Variants in ITPKB observed in about 807,000 individuals in gnomAD.
ITPKB encodes the protein inositol-trisphosphate 3-kinase B.
A neutral mutation model predicts 69.4 loss-of-function variants in ITPKB; 13 were observed. The ratio of observed to expected loss-of-function variants is 0.19; its 90% CI spans 0.12 to 0.30. The LOEUF (loss-of-function observed/expected upper bound fraction) is 0.30. Ranked by LOEUF, ITPKB falls within the 10% of genes least tolerant of loss-of-function variation. ITPKB has a pLI of 1.00. For synonymous variants in ITPKB, 584 were observed against 513.7 expected (o/e 1.14, Z -1.85); for missense variants, 1,240 against 1,250.5 (o/e 0.99, Z 0.13).
At chr1:226,702,458 G>C (rs1489271501) in intron 2 of ITPKB, among the ~76,000 whole-genome samples, 1 of 151,818 alleles carries the variant, frequency 6.6e-6, no homozygotes, top group African/African-American at 2.4e-5. Flanking sequence ...ATCATGGTGA[G>C]GTACAGAAAA....
chr1:226,667,305 A>G (rs1407060034), intron 2 of ITPKB, among the ~76,000 whole-genome samples: 1 of 152,208 alleles, frequency 6.6e-6, no homozygotes, highest in East Asian at 1.9e-4. Context: ...TTGGGAATCG[A>G]TAAATATAGG....
chr1:226,642,048 T>C lies in ITPKB; in HGVS notation c.2324A>G (p.Glu775Gly). The C allele has an allele frequency of 6.2e-7, 1 of 1,614,070 alleles. No individual in the cohort carries two copies. Among genetic ancestry groups the C allele is most frequent in the Non-Finnish European group, 8.5e-7 (1 of 1,180,026 alleles). The stretch of plus-strand genomic sequence containing the variant: ...CTCGGTGGGGGCCTCGGGGTCCACC[T>C]CGATCATCTTCTGGTACATGTCCTT... ...LRKDMYQKMI[E>G]VDPEAPTEEE... The change falls in exon 5 of 8, where the codon GAG becomes GGG. Residue 775 changes from glutamate to glycine, a missense_variant. By Grantham distance (98) the Glu-to-Gly change is moderately conservative. Transcript: ENST00000429204. This position sits in a 1 kb window ranked among gnomAD's most constrained non-coding sequence, Gnocchi z 6.4.
intron 2 of ITPKB, among the ~76,000 whole-genome samples, chr1:226,661,707 A>G (rs993695723): frequency 3.3e-5 from 5 of 152,218 alleles, no homozygotes; most frequent in Non-Finnish European, 7.3e-5. Flanking sequence ...TGCCTGGTAC[A>G]TACACAAGAG....
At chr1:226,651,186 G>A (rs1271945526) in intron 2 of ITPKB, among the ~76,000 whole-genome samples, 1 of 152,140 alleles carries the variant, frequency 6.6e-6, no homozygotes, top group Non-Finnish European at 1.5e-5. Context: ...CAAAGGCCCG[G>A]GGACTGGAAC....
intron 2 of ITPKB, among the ~76,000 whole-genome samples, chr1:226,714,475 G>A (rs980557620): frequency 4.6e-5 from 7 of 152,228 alleles, no homozygotes; most frequent in African/African-American, 1.7e-4. Context: ...AAGAGCTGCT[G>A]TAACCCTGGC....
chr1:226,647,097 T>C (rs1669077714), intron 4 of ITPKB, 70 bp downstream of exon 4: 2 of 1,436,010 alleles, frequency 1.4e-6, no homozygotes. Flanking sequence ...AAGCCCTGAG[T>C]GCCACGCTGT....
chr1:226,671,124 C>T lies in ITPKB; in HGVS notation c.1933-22353G>A, dbSNP rs1345071796. ...GGTTCTGTGAGCTCAGGACTGAAAA[C>T]TGTTCCCTGAATGGGTTGACTGCTC... On this transcript the variant is annotated intron_variant, in intron 2 of 7. Coordinates refer to ENST00000429204, the MANE Select transcript of ITPKB (RefSeq NM_002221.4). Among the ~76,000 whole-genome samples the T allele has an allele frequency of 2.6e-5, 4 of 152,230 alleles. No homozygotes were observed. In the South Asian group the frequency reaches 8.3e-4, roughly 32 times the overall value.
chr1:226,707,632 A>G (rs79036951), intron 2 of ITPKB: 1 of 1,000,340 alleles, frequency 1.0e-6, no homozygotes, highest in African/African-American at 1.7e-5. Context: ...GGCAGTGTAC[A>G]CATGAGTAAC....
Position 226,736,662 on chromosome 1 carries a change from C to G in ITPKB, c.797G>C (p.Arg266Pro). ...RMEKGIPASP[R>P]CGSPTAMEID... ...TTCCATAGCTGTGGGTGAGCCACAG[C>G]GGGGACTGGCAGGGATACCCTTCTC... Residue 266 changes from arginine (R) to proline (P), a missense_variant, in exon 2 of 8, where the codon CGC (arginine) becomes CCC (proline). By Grantham distance (103) the Arg-to-Pro change is moderately radical. Transcript: ENST00000429204. 1 of 1,613,372 alleles carries G rather than the reference C, an allele frequency of 6.2e-7. No homozygotes were observed. Among genetic ancestry groups the G allele is most frequent in the Non-Finnish European group, 8.5e-7 (1 of 1,179,972 alleles).
intron 2 of ITPKB, chr1:226,656,858 G>A (rs1444329310): frequency 1.3e-5 from 2 of 152,272 alleles, no homozygotes; most frequent in African/African-American, 2.4e-5. Context: ...GTGAGAGCCT[G>A]AGCAGGTGAC....
intron 2 of ITPKB, among the ~76,000 whole-genome samples, chr1:226,692,326 C>A (rs1055849287): frequency 3.3e-5 from 5 of 152,102 alleles, no homozygotes; most frequent in African/African-American, 9.7e-5. Context: ...TTTCCATAGG[C>A]CCTAGCCCAA....
chr1:226,690,903 G>T (rs1407380723), intron 2 of ITPKB, among the ~76,000 whole-genome samples: 1 of 152,210 alleles, frequency 6.6e-6, no homozygotes, highest in African/African-American at 2.4e-5. Context: ...AGGAAATTCT[G>T]ACACATGCTA....
intron 2 of ITPKB, among the ~76,000 whole-genome samples, chr1:226,680,609 G>A (rs779045936): frequency 1.3e-5 from 2 of 152,134 alleles, no homozygotes; most frequent in African/African-American, 2.4e-5. Flanking sequence ...AGAAAAGGGG[G>A]CCCCAGGCTT....
chr1:226,649,811 C>A (rs80282745), intron 2 of ITPKB, among the ~76,000 whole-genome samples: 2,311 of 151,138 alleles, frequency 0.015, 67 homozygotes, highest in African/African-American at 0.054. Context: ...TAATAAAATT[C>A]TTTTCTTCCC....
chr1:226,723,440 T>C (rs1211441735), intron 2 of ITPKB, among the ~76,000 whole-genome samples: 1 of 152,130 alleles, frequency 6.6e-6, no homozygotes, highest in Non-Finnish European at 1.5e-5. Context: ...AATAAGCACG[T>C]GCCTGGCCTG....
At chr1:226,729,815 G>A (rs1657536539) in intron 2 of ITPKB, among the ~76,000 whole-genome samples, 1 of 151,898 alleles carries the variant, frequency 6.6e-6, no homozygotes, top group South Asian at 2.1e-4. Flanking sequence ...GGCTGGTTTC[G>A]AACTCCTGAC....
At chr1:226,707,352 C>T (rs547732503) in intron 2 of ITPKB, 10 of 212,190 alleles carry the variant, frequency 4.7e-5, no homozygotes, top group Admixed American at 2.0e-4. Flanking sequence ...CCCACCACTA[C>T]ACCTGGCTAA....
intron 2 of ITPKB, among the ~76,000 whole-genome samples, chr1:226,703,516 T>A (rs926997476): frequency 6.6e-6 from 1 of 152,010 alleles, no homozygotes; most frequent in African/African-American, 2.4e-5. Flanking sequence ...ACCTCCTCTC[T>A]CCTCCCGCGC....
At position 226,641,913 on chromosome 1, in the gene ITPKB, G is replaced by A. The variant is rs372721841; in HGVS notation, c.2451+8C>T. The A allele has an allele frequency of 1.1e-4, 172 of 1,610,302 alleles. No homozygotes were observed. Among genetic ancestry groups the A allele is most frequent in the South Asian group, 1.3e-4 (12 of 90,922 alleles). The stretch of plus-strand genomic sequence containing the variant: ...GGGCCCGAGGCTGCCCTCACTCGCC[G>A]GCCTCACCTTGATTCCCTCGATCCT... On this transcript the variant is annotated splice_region_variant and intron_variant, in intron 5 of 7. Transcript: ENST00000429204. This position sits in a 1 kb window ranked among gnomAD's most constrained non-coding sequence, Gnocchi z 4.6.
Sources: gnomAD v4.1 joint callset for allele counts (sites outside exome capture counted in the v4.1 genomes callset) on GRCh38, gnomAD v4.1.1 for gene constraint, Gnocchi (gnomAD v3.1) non-coding constraint, MANE v1.5 for transcripts, NCBI Gene and HGNC (gene_info 2026-07-23, HGNC 2026-07-21) for gene names.